NANOGNB: variants seen among roughly 807,000 people sequenced by gnomAD.
The protein encoded by NANOGNB is homeobox C14.
NANOGNB carries 30 observed loss-of-function variants against 25.0 expected under a neutral mutation model. The ratio of observed to expected loss-of-function variants is 1.20; its 90% CI spans 0.90 to 1.63. The LOEUF (loss-of-function observed/expected upper bound fraction) is 1.63. NANOGNB is among the 40% of genes most tolerant of loss of function. The pLI is 0.00. For synonymous variants in NANOGNB, 84 were observed against 62.1 expected (o/e 1.35, Z -1.66); for missense variants, 200 against 188.1 (o/e 1.06, Z -0.37).
chr12:7,770,393 T>C, intron 2 of NANOGNB, 46 bp from the exon 3 acceptor site: 1 of 1,524,044 alleles, frequency 6.6e-7, no homozygotes, highest in Non-Finnish European at 8.8e-7. Context: ...TAGACCAATA[T>C]CCTTATTCCT....
intron 1 of NANOGNB, among the ~76,000 whole-genome samples, chr12:7,768,994 T>C (rs1310421705): frequency 1.3e-5 from 2 of 151,972 alleles, no homozygotes; most frequent in Non-Finnish European, 2.9e-5. Context: ...TAAAAGGGAT[T>C]ATAATCTGAG....
chr12:7,767,787 G>C (rs1865258556), intron 1 of NANOGNB, among the ~76,000 whole-genome samples: 2 of 149,110 alleles, frequency 1.3e-5, no homozygotes, highest in Admixed American at 1.3e-4. Context: ...GGTGTGGCAG[G>C]GTCTTGCTCT....
At chr12:7,771,253 C>A (rs144833563) in intron 3 of NANOGNB, among the ~76,000 whole-genome samples, 1 of 152,114 alleles carries the variant, frequency 6.6e-6, no homozygotes, top group African/African-American at 2.4e-5. Context: ...CGGAGTCTTG[C>A]GCTCTCGCCC....
chr12:7,765,229 G>T lies in NANOGNB; in HGVS notation c.-57G>T. The T allele has an allele frequency of 2.3e-6, 3 of 1,285,084 alleles. No homozygotes were observed. The Admixed American group carries it at 6.9e-5, about 30-fold the overall frequency. The allele number at this position is 1,285,084 out of a possible 1,614,324, so 79.6% of individuals were successfully genotyped here. ...AAGATGGATGACATCTACCTTATCT[G>T]GTCGGTCATCTCTGTAACCTCCCTA... On this transcript the variant is annotated 5_prime_UTR_variant, in exon 1 of 4. Coordinates refer to ENST00000382119, the MANE Select transcript of NANOGNB (RefSeq NM_001145465.1).
chr12:7,768,016 G>A (rs777171135), intron 1 of NANOGNB, among the ~76,000 whole-genome samples: 2 of 151,888 alleles, frequency 1.3e-5, no homozygotes, highest in Non-Finnish European at 2.9e-5. Context: ...TCCAGCCCCC[G>A]CTTAGCTTGT....
chr12:7,773,546 CAAAAAAAAAAAAAAAAAA>C (rs869038102), intron 3 of NANOGNB, among the ~76,000 whole-genome samples: 39 of 15,442 alleles, frequency 2.5e-3, no homozygotes, highest in Admixed American at 0.012. Flanking sequence ...ACTAAAAATA[CAAAAAAAAAAAAAAAAAA>C]AAAAAAAAAA....
intron 1 of NANOGNB, among the ~76,000 whole-genome samples, chr12:7,767,974 A>G (rs1228057591): frequency 1.3e-5 from 2 of 152,078 alleles, no homozygotes; most frequent in African/African-American, 4.8e-5. Flanking sequence ...CGGCCTCCCA[A>G]AGTGCTGGGA....
chr12:7,770,223 C>T lies in NANOGNB; in HGVS notation c.343C>T (p.His115Tyr). ...AAGATTAGTCAGCAAATCCCTCATG[C>T]ATACTCTCTGGGCAAAGTTTAAGTT... ...EKRLVSKSLM[H>Y]TLWAKFKLNR... Residue 115 changes from histidine to tyrosine, a missense_variant, in exon 2 of 4, where the codon CAT (histidine) becomes TAT (tyrosine). By Grantham distance (83) the His-to-Tyr change is moderately conservative. Transcript: ENST00000382119. 1 of 1,551,846 alleles carries T rather than the reference C, an allele frequency of 6.4e-7. No individual in the cohort carries two copies. Among genetic ancestry groups the T allele is most frequent in the Non-Finnish European group, 8.7e-7 (1 of 1,147,038 alleles).
rs1448531706 is a variant in NANOGNB at position 7,773,827 on chromosome 12, G to T, written c.543G>T (p.Trp181Cys). The T allele has an allele frequency of 6.3e-6, 4 of 633,766 alleles. No homozygotes were observed. The highest frequency in any genetic ancestry group is 1.1e-5 in the Non-Finnish European group (4 of 360,490). The allele number at this position is 633,766 out of a possible 1,614,324, so 39.3% of individuals were successfully genotyped here. A position where few individuals can be genotyped will look rare whatever the true frequency, so the allele number is the denominator to read the frequency against. ...GGAGATCTCTGTGTTGCCAAGGCTGGTCTCGAACTCCTGCCCTCAAGTGAT... is the reference window on the plus strand; with the variant it reads ...GGAGATCTCTGTGTTGCCAAGGCTGTTCTCGAACTCCTGCCCTCAAGTGAT... ...MRWRSLCCQG[W>C]SRTPALK Residue 181 changes from tryptophan to cysteine, a missense_variant, in exon 4 of 4, where the codon TGG becomes TGT. Trp to Cys is a radical substitution (Grantham distance 215, BLOSUM62 -2). Transcript: ENST00000382119.
At chr12:7,769,114 T>C (rs942530753) in intron 1 of NANOGNB, among the ~76,000 whole-genome samples, 1 of 152,124 alleles carries the variant, frequency 6.6e-6, no homozygotes, top group Admixed American at 6.6e-5. Flanking sequence ...CCAAGACAGT[T>C]CCAAGATTGC....
chr12:7,765,542 C>G (rs930893872), intron 1 of NANOGNB, among the ~76,000 whole-genome samples, 155 bp downstream of exon 1: 11 of 141,674 alleles, frequency 7.8e-5, no homozygotes, highest in Non-Finnish European at 1.5e-5. Context: ...TGCACTCCAG[C>G]CTGGGCGACA....
intron 1 of NANOGNB, chr12:7,766,043 G>T: frequency 2.5e-6 from 1 of 398,192 alleles, no homozygotes; most frequent in Admixed American, 4.4e-5. Flanking sequence ...GAGCAACAAA[G>T]AAAGCTTTGA....
chr12:7,771,505 C>T (rs998702307), intron 3 of NANOGNB, among the ~76,000 whole-genome samples: 2 of 152,134 alleles, frequency 1.3e-5, no homozygotes, highest in Non-Finnish European at 2.9e-5. Flanking sequence ...AGGCGTGAGC[C>T]ACCGCGCCCA....
chr12:7,771,381 C>T lies in NANOGNB; in HGVS notation c.515+863C>T, dbSNP rs568807009. Among the ~76,000 whole-genome samples the T allele has an allele frequency of 5.3e-4, 81 of 151,886 alleles. 1 individual carries two copies. In the Middle Eastern group the frequency reaches 0.024, roughly 45 times the overall value. ...GACTACAGGCACCCACCACCACGCC[C>T]GGCTAATTTTTGTATTTTTAGTAGA... On this transcript the variant is annotated intron_variant, in intron 3 of 3. Coordinates refer to ENST00000382119, the MANE Select transcript of NANOGNB (RefSeq NM_001145465.1).
chr12:7,773,807 T>G lies in NANOGNB; in HGVS notation c.523T>G (p.Ser175Ala), dbSNP rs1195276652. 8 of 631,026 alleles carry G rather than the reference T, an allele frequency of 1.3e-5. No homozygotes were observed. In the Admixed American group the frequency reaches 2.0e-4, roughly 16 times the overall value. The allele number at this position is 631,026 out of a possible 1,614,324, so 39.1% of individuals were successfully genotyped here. A position where few individuals can be genotyped will look rare whatever the true frequency, so the allele number is the denominator to read the frequency against. ...TTTTTTTTTTTTAAACAGATGGAGA[T>G]CTCTGTGTTGCCAAGGCTGGTCTCG... ...KHKKKHMRWR[S>A]LCCQGWSRTP... The change falls in exon 4 of 4, where the codon TCT becomes GCT. Residue 175 changes from serine to alanine, a missense_variant. Transcript: ENST00000382119.
Position 7,772,750 on chromosome 12 carries a change from A to C in NANOGNB, c.516-1050A>C, listed in dbSNP as rs1862593250. 4.0e-5 allele frequency among the ~76,000 whole-genome samples: 6 copies of C among 151,628 alleles called. No individual in the cohort carries two copies. In the South Asian group the frequency reaches 1.3e-3, roughly 32 times the overall value. On this transcript the variant is annotated intron_variant, in intron 3 of 3. Transcript: ENST00000382119. ...AGATGTGTACCACCACACCCAGCTAATTTTTGTATTTTTAGTATACATTAA... is the reference window on the plus strand; with the variant it reads ...AGATGTGTACCACCACACCCAGCTACTTTTTGTATTTTTAGTATACATTAA...
intron 3 of NANOGNB, among the ~76,000 whole-genome samples, chr12:7,772,191 G>T (rs748950831): frequency 5.3e-5 from 8 of 152,212 alleles, no homozygotes; most frequent in African/African-American, 1.9e-4. Context: ...GCCAGTGCAG[G>T]GAAATTGGCT....
At position 7,770,029 on chromosome 12, in the gene NANOGNB, G is replaced by T; in HGVS notation, c.149G>T (p.Gly50Val). ...GATCAAGATCCAGAACAATCAACTG[G>T]AAATTACAGTGAAGATGAACAAAAT... ...PWDQDPEQST[G>V]NYSEDEQNGK... Residue 50 changes from glycine to valine, a missense_variant, in exon 2 of 4, where the codon GGA (glycine) becomes GTA (valine). By Grantham distance (109) the Gly-to-Val change is moderately radical. Coordinates refer to ENST00000382119, the MANE Select transcript of NANOGNB (RefSeq NM_001145465.1). 6.5e-7 allele frequency: 1 copy of T among 1,532,550 alleles called. No individual in the cohort carries two copies. The highest frequency in any genetic ancestry group is 1.3e-5 in the South Asian group (1 of 79,490). The allele number at this position is 1,532,550 out of a possible 1,614,324, so 94.9% of individuals were successfully genotyped here. A position where few individuals can be genotyped will look rare whatever the true frequency, so the allele number is the denominator to read the frequency against.
intron 3 of NANOGNB, among the ~76,000 whole-genome samples, chr12:7,772,022 C>CGCA (rs1465723596): frequency 9.8e-5 from 15 of 152,294 alleles, no homozygotes; most frequent in African/African-American, 3.6e-4. Context: ...ACTCCCACCA[C>CGCA]ATGGAGGATT....
Sources: allele counts gnomAD v4.1 joint callset (sites outside exome capture counted in the v4.1 genomes callset), GRCh38; gene constraint gnomAD v4.1.1; transcripts MANE v1.5; gene names NCBI Gene and HGNC (gene_info 2026-07-23, HGNC 2026-07-21).